Variants in SPATA31D1 observed in about 807,000 individuals in gnomAD.
The protein encoded by SPATA31D1 is SPATA31 subfamily D member 1.
SPATA31D1 carries 6 observed loss-of-function variants against 13.2 expected under a neutral mutation model. The observed-to-expected ratio is 0.46, with a 90% CI of 0.25 to 0.90. SPATA31D1 has a LOEUF of 0.90. Ranked by LOEUF, SPATA31D1 falls within the 40% of genes least tolerant of loss-of-function variation. The pLI is 0.18. For synonymous variants in SPATA31D1, 903 were observed against 718.8 expected, an observed-to-expected ratio of 1.26 and a Z score of -4.10; for missense variants, 2,445 against 1,884.7, an observed-to-expected ratio of 1.30 and a Z score of -5.50.
chr9:81,994,290 G>C lies in SPATA31D1; in HGVS notation c.3820G>C (p.Val1274Leu). Residue 1274 changes from valine to leucine, a missense_variant, in exon 4 of 4, where the codon GTC (valine) becomes CTC (leucine). Val to Leu is a conservative substitution (Grantham distance 32). Transcript: ENST00000344803. ...IRVAQKQEPR[V>L]PTCVLQKCQV... The stretch of plus-strand genomic sequence containing the variant: ...TGTGGCACAGAAGCAGGAGCCCAGG[G>C]TCCCTACCTGTGTCTTACAGAAGTG... 6.2e-7 allele frequency: 1 copy of C among 1,613,990 alleles called. No homozygotes were observed. The highest frequency in any genetic ancestry group is 2.2e-5 in the East Asian group (1 of 44,872).
In SPATA31D1 at chr9:81,994,538, C is replaced by T; in HGVS notation, c.4068C>T (p.Thr1356=). ...ACCTTTTCAGAAAATGGATGAAGACCTCTTTGCAGTGGTTTAATAAACCCA... is the reference window on the plus strand; with the variant it reads ...ACCTTTTCAGAAAATGGATGAAGACTTCTTTGCAGTGGTTTAATAAACCCA... ...PENLFRKWMK[T]SLQWFNKPSI... is the part of the protein sequence containing the mutation. Residue 1356 remains threonine (T), a synonymous_variant, in exon 4 of 4, where the codon ACC becomes ACT. Coordinates refer to ENST00000344803, the MANE Select transcript of SPATA31D1 (RefSeq NM_001001670.3). 1 of 1,613,434 alleles carries T rather than the reference C, an allele frequency of 6.2e-7. No individual in the cohort carries two copies. Among genetic ancestry groups the T allele is most frequent in the Non-Finnish European group, 8.5e-7 (1 of 1,179,664 alleles).
chr9:81,987,779 T>C (rs1824881597), upstream of SPATA31D1, among the ~76,000 whole-genome samples: 1 of 152,104 alleles, frequency 6.6e-6, no homozygotes, highest in South Asian at 2.1e-4. Context: ...GTTTACAGGA[T>C]AGGCGATTAA....
rs1381601728 is a variant in SPATA31D1 at position 81,994,279 on chromosome 9, A to G, written c.3809A>G (p.Gln1270Arg). 2.5e-6 allele frequency: 4 copies of G among 1,614,000 alleles called. No homozygotes were observed. The South Asian group carries it at 4.4e-5, about 18-fold the overall frequency. ...EDSGIRVAQKQEPRVPTCVLQ... is the reference protein window; with the variant it reads ...EDSGIRVAQKREPRVPTCVLQ... ...AGCGGAATCCGTGTGGCACAGAAGC[A>G]GGAGCCCAGGGTCCCTACCTGTGTC... is the stretch of plus-strand genomic sequence containing the variant. Residue 1270 changes from glutamine to arginine, a missense_variant, in exon 4 of 4, where the codon CAG becomes CGG. By Grantham distance (43) the Gln-to-Arg change is conservative (BLOSUM62 1). Transcript: ENST00000344803.
At chr9:81,988,369 TTC>T (rs1364060851), upstream of SPATA31D1, among the ~76,000 whole-genome samples, 2 of 152,182 alleles carry the variant, frequency 1.3e-5, no homozygotes, top group African/African-American at 4.8e-5. Context: ...GGCAGAAACG[TTC>T]TGTAGGTAAG....
chr9:81,990,647 G>C, intron 3 of SPATA31D1, 126 bp from the exon 4 acceptor site: 3 of 1,376,018 alleles, frequency 2.2e-6, no homozygotes, highest in Non-Finnish European at 3.0e-6. Flanking sequence ...GCTATAGTGA[G>C]GTCATAGGAC....
In SPATA31D1 at chr9:81,992,540, C is replaced by T; in HGVS notation, c.2070C>T (p.His690=). 6.2e-7 allele frequency: 1 copy of T among 1,611,972 alleles called. No homozygotes were observed. Among genetic ancestry groups the T allele is most frequent in the South Asian group, 1.1e-5 (1 of 90,996 alleles). ...SSEVRKKLEQ[H]IRRRLIQRRW... Reference sequence around the variant, plus strand: ...AGGTAAGGAAGAAACTAGAGCAACACATTCGAAGGAGGCTCATCCAGCGCA... The same window carrying T: ...AGGTAAGGAAGAAACTAGAGCAACATATTCGAAGGAGGCTCATCCAGCGCA... The change falls in exon 4 of 4, where the codon CAC becomes CAT. Residue 690 remains histidine (H), a synonymous_variant. Coordinates refer to ENST00000344803, the MANE Select transcript of SPATA31D1 (RefSeq NM_001001670.3).
Position 81,992,957 on chromosome 9 carries a change from C to T in SPATA31D1, c.2487C>T (p.Ala829=), listed in dbSNP as rs1306361532. 31 of 1,613,640 alleles carry T rather than the reference C, an allele frequency of 1.9e-5. No individual in the cohort carries two copies. Among genetic ancestry groups the T allele is most frequent in the Non-Finnish European group, 2.6e-5 (31 of 1,179,688 alleles). ...TAGGTCAGAAACAACTTGAAAATGCCCTGACAGTACGTTTGAGCAAGAAAT... is the reference window on the plus strand; with the variant it reads ...TAGGTCAGAAACAACTTGAAAATGCTCTGACAGTACGTTTGAGCAAGAAAT... The part of the protein sequence containing the change: ...VRLGQKQLEN[A]LTVRLSKKFE... The change falls in exon 4 of 4, where the codon GCC becomes GCT. Residue 829 remains alanine, a synonymous_variant. Transcript: ENST00000344803.
Position 81,994,789 on chromosome 9 carries a change from A to G in SPATA31D1, c.4319A>G (p.Lys1440Arg). 1.2e-6 allele frequency: 2 copies of G among 1,613,966 alleles called. No homozygotes were observed. The highest frequency in any genetic ancestry group is 1.7e-6 in the Non-Finnish European group (2 of 1,179,874). The change falls in exon 4 of 4, where the codon AAA becomes AGA. Residue 1440 changes from lysine to arginine, a missense_variant. Physicochemically the swap from Lys to Arg is conservative, Grantham distance 26. Transcript: ENST00000344803. Reference protein sequence around the residue: ...EPLSFPVGLGKAQHNPEVHVR... With the variant: ...EPLSFPVGLGRAQHNPEVHVR... The stretch of plus-strand genomic sequence containing the variant: ...CTTTCCTTCCCAGTGGGGCTTGGGA[A>G]AGCTCAGCACAACCCAGAAGTGCAT...
Position 81,992,878 on chromosome 9 carries a change from G to T in SPATA31D1, c.2408G>T (p.Arg803Ile). Residue 803 changes from arginine to isoleucine, a missense_variant, in exon 4 of 4, where the codon AGA (arginine) becomes ATA (isoleucine). Physicochemically the swap from Arg to Ile is moderately conservative, Grantham distance 97 (BLOSUM62 -3). Transcript: ENST00000344803. The part of the protein sequence containing the change: ...SDKDLRSNSE[R>I]DLETHMMHLS... ...AAGGATCTGAGGTCTAACTCTGAGA[G>T]AGACCTAGAAACTCATATGATGCAT... 6.2e-7 allele frequency: 1 copy of T among 1,613,804 alleles called. No homozygotes were observed. Among genetic ancestry groups the T allele is most frequent in the East Asian group, 2.2e-5 (1 of 44,868 alleles).
chr9:81,991,729 A>G lies in SPATA31D1; in HGVS notation c.1259A>G (p.Lys420Arg), dbSNP rs1824969113. Residue 420 changes from lysine (K) to arginine (R), a missense_variant, in exon 4 of 4, where the codon AAA becomes AGA. Coordinates refer to ENST00000344803, the MANE Select transcript of SPATA31D1 (RefSeq NM_001001670.3). Reference protein sequence around the residue: ...DILALLERQVKKRGDFLMWKE... With the variant: ...DILALLERQVRKRGDFLMWKE... The stretch of plus-strand genomic sequence containing the variant: ...CTGGCACTCCTGGAGAGACAAGTCA[A>G]AAAAAGGGGTGATTTCCTGATGTGG... 13 of 1,613,832 alleles carry G rather than the reference A, an allele frequency of 8.1e-6. No homozygotes were observed. The East Asian group carries it at 2.9e-4, about 36-fold the overall frequency.
chr9:81,991,814 A>G lies in SPATA31D1; in HGVS notation c.1344A>G (p.Leu448=), dbSNP rs1477264691. 1.5e-5 allele frequency: 24 copies of G among 1,613,666 alleles called. No individual in the cohort carries two copies. The highest frequency in any genetic ancestry group is 2.0e-5 in the Non-Finnish European group (24 of 1,179,734). ...AACAACTTAGGCCAAACTACCAACTAAATTCCTCACGGAATATGTTAACCT... is the reference window on the plus strand; with the variant it reads ...AACAACTTAGGCCAAACTACCAACTGAATTCCTCACGGAATATGTTAACCT... ...FPKQLRPNYQ[L]NSSRNMLTSI... is the part of the protein sequence containing the mutation. The change falls in exon 4 of 4, where the codon CTA becomes CTG. Residue 448 remains leucine (L), a synonymous_variant. Transcript: ENST00000344803.
At position 81,991,962 on chromosome 9, in the gene SPATA31D1, CAAA is replaced by C; in HGVS notation, c.1495_1497del (p.Lys499del). 1.2e-6 allele frequency: 2 copies of C among 1,613,792 alleles called. No individual in the cohort carries two copies. Among genetic ancestry groups the C allele is most frequent in the Non-Finnish European group, 1.7e-6 (2 of 1,179,728 alleles). ...TAAATGCTTTGAAGACCATTTAGAG[CAAA>C]AATATGTCCAGCTCTTCTGGGGTCT... On this transcript the variant is annotated inframe_deletion, in exon 4 of 4. Transcript: ENST00000344803.
rs1035368836 is a variant in SPATA31D1, at chr9:81,995,250, A to C, written c.*49A>C. 4.2e-6 allele frequency: 6 copies of C among 1,445,370 alleles called. No individual in the cohort carries two copies. Among genetic ancestry groups the C allele is most frequent in the African/African-American group, 1.4e-5 (1 of 70,280 alleles). The allele number at this position is 1,445,370 out of a possible 1,614,324, so 89.5% of individuals were successfully genotyped here. Reference sequence around the variant, plus strand: ...ATTCTCCCCAATAAATGTTCCAATAAGAAGGATGTCTTTTCTGTGTATTGT... The same window carrying C: ...ATTCTCCCCAATAAATGTTCCAATACGAAGGATGTCTTTTCTGTGTATTGT... On this transcript the variant is annotated 3_prime_UTR_variant, in exon 4 of 4. Coordinates refer to ENST00000344803, the MANE Select transcript of SPATA31D1 (RefSeq NM_001001670.3).
At chr9:81,990,748 T>G in intron 3 of SPATA31D1, 25 bp from the exon 4 acceptor site, 1 of 1,581,080 alleles carries the variant, frequency 6.3e-7, no homozygotes, top group East Asian at 2.3e-5. Flanking sequence ...CAAATCTCCT[T>G]TCCTTGTTCT....
Position 81,993,308 on chromosome 9 carries a change from C to G in SPATA31D1, c.2838C>G (p.Ser946=). The change falls in exon 4 of 4, where the codon TCC becomes TCG. Residue 946 remains serine, a synonymous_variant. Coordinates refer to ENST00000344803, the MANE Select transcript of SPATA31D1 (RefSeq NM_001001670.3). ...STSFSHFDLP[S]SATFISQGDS... ...CCTTTTCCCATTTCGACCTTCCCTC[C>G]TCAGCCACCTTCATCTCTCAGGGAG... The G allele has an allele frequency of 6.2e-7, 1 of 1,613,986 alleles. No homozygotes were observed. Among genetic ancestry groups the G allele is most frequent in the Non-Finnish European group, 8.5e-7 (1 of 1,179,886 alleles).
chr9:81,989,331 C>A (rs543385886), intron 1 of SPATA31D1, among the ~76,000 whole-genome samples: 3 of 152,162 alleles, frequency 2.0e-5, no homozygotes, highest in African/African-American at 7.2e-5. Context: ...TGAAGGAGAA[C>A]GGTCTCTGCT....
intron 2 of SPATA31D1, 191 bp downstream of exon 2, chr9:81,990,014 A>T (rs1824920338): frequency 3.2e-6 from 2 of 629,132 alleles, no homozygotes; most frequent in African/African-American, 1.8e-5. Context: ...CTGCCCATTT[A>T]CGGGCAGGAC....
In SPATA31D1 at chr9:81,992,036, A is replaced by T. The variant is rs761597991; in HGVS notation, c.1566A>T (p.Gln522His). 3 of 1,613,746 alleles carry T rather than the reference A, an allele frequency of 1.9e-6. No individual in the cohort carries two copies. Among genetic ancestry groups the T allele is most frequent in the Non-Finnish European group, 2.5e-6 (3 of 1,179,710 alleles). ...CTCTGCATCCTACTGTTCTTGTCCA[A>T]CGTGGCCATTCCTCCATGTTTGTAT... ...SESLHPTVLV[Q>H]RGHSSMFVFF... is the part of the protein sequence containing the mutation. The change falls in exon 4 of 4, where the codon CAA (glutamine) becomes CAT (histidine). Residue 522 changes from glutamine to histidine, a missense_variant. Gln to His is a conservative substitution (Grantham distance 24). Transcript: ENST00000344803.
At position 81,992,739 on chromosome 9, in the gene SPATA31D1, C is replaced by T. The variant is rs778349299; in HGVS notation, c.2269C>T (p.His757Tyr). Residue 757 changes from histidine to tyrosine, a missense_variant, in exon 4 of 4, where the codon CAC becomes TAC. Transcript: ENST00000344803. ...KSASSFPRSF[H>Y]ERSSNMLSME... ...CGCATCAAGCTTCCCTAGAAGCTTC[C>T]ACGAGAGGAGCTCAAATATGCTTTC... 5 of 1,613,750 alleles carry T rather than the reference C, an allele frequency of 3.1e-6. No homozygotes were observed. Among genetic ancestry groups the T allele is most frequent in the Non-Finnish European group, 4.2e-6 (5 of 1,179,720 alleles).
Sources: allele counts gnomAD v4.1 joint callset (sites outside exome capture counted in the v4.1 genomes callset), GRCh38; gene constraint gnomAD v4.1.1; transcripts MANE v1.5; gene names NCBI Gene and HGNC (gene_info 2026-07-23, HGNC 2026-07-21).